The following CDCP1 variants were observed in gnomAD, a reference collection of about 807,000 sequenced individuals.
CDCP1 encodes the protein CUB domain containing protein 1, also known as CUB domain-containing protein 1.
Under a neutral mutation model 60.2 loss-of-function variants are expected in CDCP1, and 29 were observed. That is an observed-to-expected ratio of 0.48 (90% CI 0.36 to 0.66). CDCP1 has a LOEUF of 0.66. CDCP1 is among the 30% of genes least tolerant of loss of function. The pLI is 0.00. For missense variants in CDCP1, 876 were observed against 1,074.3 expected (o/e 0.82, Z 2.58); for synonymous variants, 387 against 431.1 (o/e 0.90, Z 1.27).
chr3:45,146,344 AGGCGCCCAAGCCC>A lies in CDCP1; in HGVS notation c.-70_-58del. 1 of 1,457,970 alleles carries A rather than the reference AGGCGCCCAAGCCC, an allele frequency of 6.9e-7. No homozygotes were observed. The highest frequency in any genetic ancestry group is 9.2e-7 in the Non-Finnish European group (1 of 1,090,096). The allele number at this position is 1,457,970 out of a possible 1,614,324, so 90.3% of individuals were successfully genotyped here. A position where few individuals can be genotyped will look rare whatever the true frequency, so the allele number is the denominator to read the frequency against. ...AACGACGGTGGGGAGCGGCGGCCCC[AGGCGCCCAAGCCC>A]GGCGCAGCTGCGCTCCGCCCTGGCT... On this transcript the variant is annotated 5_prime_UTR_variant, in exon 1 of 9. Transcript: ENST00000296129.
intron 1 of CDCP1, among the ~76,000 whole-genome samples, chr3:45,125,636 G>A (rs1698964965): frequency 6.6e-6 from 1 of 152,230 alleles, no homozygotes; most frequent in South Asian, 2.1e-4. Context: ...ATTGAAGGGT[G>A]CTAAGCAGAC....
chr3:45,146,280 C>T lies in CDCP1; in HGVS notation c.8G>A (p.Gly3Asp), dbSNP rs759482398. The change falls in exon 1 of 9, where the codon GGC becomes GAC. Residue 3 changes from glycine to aspartate, a missense_variant. Physicochemically the swap from Gly to Asp is moderately conservative, Grantham distance 94 (BLOSUM62 -1). Transcript: ENST00000296129. Reference protein sequence around the residue: MAGLNCGVSIALL... With the variant: MADLNCGVSIALL... ...TGCGATAGAGACCCCGCAGTTCAGG[C>T]CGGCCATGACTCCGGGACGCCTCGG... 8.2e-6 allele frequency: 13 copies of T among 1,580,946 alleles called. No individual in the cohort carries two copies. Among genetic ancestry groups the T allele is most frequent in the East Asian group, 2.5e-5 (1 of 40,182 alleles).
At chr3:45,087,978 C>T (rs150925206) in intron 8 of CDCP1, among the ~76,000 whole-genome samples, 3,755 of 151,596 alleles carry the variant, frequency 0.025, 162 homozygotes, top group African/African-American at 0.087. Flanking sequence ...GCCGAGATCG[C>T]GCCACTGCAC....
At chr3:45,135,434 G>A (rs1182919241) in intron 1 of CDCP1, among the ~76,000 whole-genome samples, 1 of 152,176 alleles carries the variant, frequency 6.6e-6, no homozygotes. Context: ...GGAAAAGGAG[G>A]CTTCGAACAA....
chr3:45,127,074 G>A (rs116122490), intron 1 of CDCP1, among the ~76,000 whole-genome samples: 116 of 152,300 alleles, frequency 7.6e-4, no homozygotes, highest in African/African-American at 2.6e-3. Context: ...AGTCAATCAA[G>A]GTAGAATGAA....
At chr3:45,114,260 G>T (rs1698747405) in intron 2 of CDCP1, among the ~76,000 whole-genome samples, 1 of 152,146 alleles carries the variant, frequency 6.6e-6, no homozygotes, top group South Asian at 2.1e-4. Flanking sequence ...TAGTCAAAAT[G>T]ATTGGCATGC....
At chr3:45,086,333 CTG>C (rs1698193881) in intron 8 of CDCP1, among the ~76,000 whole-genome samples, 1 of 152,204 alleles carries the variant, frequency 6.6e-6, no homozygotes, top group African/African-American at 2.4e-5. Context: ...CTATCACTAT[CTG>C]TGCTCAATTC....
rs1699127698 is a variant in CDCP1, at chr3:45,133,178, G to C, written c.82+13028C>G. On this transcript the variant is annotated intron_variant, in intron 1 of 8. Coordinates refer to ENST00000296129, the MANE Select transcript of CDCP1 (RefSeq NM_022842.5). The stretch of plus-strand genomic sequence containing the variant: ...TGTTGGTTGAAAGCCAGCAAGGAAA[G>C]GGAGACATCAGACCTGCAGCCACAA... Among the ~76,000 whole-genome samples, 3 of 152,228 alleles carry C rather than the reference G, an allele frequency of 2.0e-5. No individual in the cohort carries two copies. In the South Asian group the frequency reaches 6.2e-4, roughly 32 times the overall value.
Position 45,110,453 on chromosome 3 carries a change from G to A in CDCP1, c.1024+20C>T. 2 of 1,611,190 alleles carry A rather than the reference G, an allele frequency of 1.2e-6. No homozygotes were observed. Among genetic ancestry groups the A allele is most frequent in the African/African-American group, 2.7e-5 (2 of 74,974 alleles). On this transcript the variant is annotated intron_variant, in intron 4 of 8. Transcript: ENST00000296129. ...GAAGGTGCTGGAGGAGGAAGAAAAA[G>A]GAAAGTGGGGCTCACTCACTGCTTT...
At chr3:45,145,985 C>A (rs1344564717) in intron 1 of CDCP1, among the ~76,000 whole-genome samples, 2 of 151,982 alleles carry the variant, frequency 1.3e-5, no homozygotes, top group Non-Finnish European at 2.9e-5. Context: ...AAGGTTGACT[C>A]CAGGAGGGCA....
intron 2 of CDCP1, among the ~76,000 whole-genome samples, chr3:45,113,957 T>C (rs1698741455): frequency 6.6e-6 from 1 of 152,212 alleles, no homozygotes; most frequent in Non-Finnish European, 1.5e-5. Flanking sequence ...GCAACATCAG[T>C]TGGCTCTGGC....
chr3:45,134,767 C>T (rs1003609248), intron 1 of CDCP1, among the ~76,000 whole-genome samples: 9 of 152,146 alleles, frequency 5.9e-5, no homozygotes, highest in Admixed American at 1.3e-4. Context: ...AGCAACACAA[C>T]GTGGCACACT....
intron 2 of CDCP1, among the ~76,000 whole-genome samples, chr3:45,117,658 G>T (rs1698816206): frequency 6.7e-6 from 1 of 150,038 alleles, no homozygotes. Flanking sequence ...GTGCAGTGGT[G>T]TGTTCTGGGT....
intron 3 of CDCP1, among the ~76,000 whole-genome samples, 186 bp from the exon 4 acceptor site, chr3:45,111,027 C>T (rs755355372): frequency 8.5e-5 from 13 of 152,100 alleles, no homozygotes; most frequent in Non-Finnish European, 1.5e-4. Context: ...CAGTGGTGTG[C>T]GAGTAAATAT....
At chr3:45,132,982 G>T (rs1179040860) in intron 1 of CDCP1, among the ~76,000 whole-genome samples, 1 of 152,210 alleles carries the variant, frequency 6.6e-6, no homozygotes, top group East Asian at 1.9e-4. Context: ...ACTATCCTGG[G>T]TGGTTCTGGC....
chr3:45,141,120 G>A (rs1699281262), intron 1 of CDCP1, among the ~76,000 whole-genome samples: 1 of 152,054 alleles, frequency 6.6e-6, no homozygotes. Flanking sequence ...AGAATCACTT[G>A]AACCCAGGAG....
intron 1 of CDCP1, among the ~76,000 whole-genome samples, chr3:45,124,211 A>C (rs4368538): frequency 0.013 from 1,952 of 152,292 alleles, 47 homozygotes; most frequent in African/African-American, 0.045. Context: ...GATTCTAGTA[A>C]GGGAAACTAA....
chr3:45,126,110 CTT>C (rs1491258945), intron 1 of CDCP1, among the ~76,000 whole-genome samples: 5 of 71,720 alleles, frequency 7.0e-5, no homozygotes, highest in East Asian at 3.5e-4. Context: ...GTCTCTCTCT[CTT>C]TCTTTCTTTC....
At chr3:45,110,230 T>G in intron 4 of CDCP1, 2 of 1,372,618 alleles carry the variant, frequency 1.5e-6, no homozygotes, top group Non-Finnish European at 1.9e-6. Context: ...TTAAAAACAA[T>G]TTAGCATCTT....
Sources: allele counts gnomAD v4.1 joint callset (sites outside exome capture counted in the v4.1 genomes callset), GRCh38; gene constraint gnomAD v4.1.1; transcripts MANE v1.5; gene names NCBI Gene and HGNC (gene_info 2026-07-23, HGNC 2026-07-21).